ADAMTSL1: variants seen among roughly 807,000 people sequenced by gnomAD.
The protein encoded by ADAMTSL1 is ADAMTS-like protein 1.
A neutral mutation model predicts 201.8 loss-of-function variants in ADAMTSL1; 126 were observed. That is an observed-to-expected ratio of 0.62 (90% CI 0.54 to 0.72). The LOEUF is 0.72. Among genes scored for constraint, ADAMTSL1 ranks in the 30% least tolerant of loss-of-function variants. The pLI, the probability that ADAMTSL1 is intolerant of heterozygous loss-of-function variation, is 0.00. For missense variants in ADAMTSL1, 2,679 were observed against 2,277.8 expected, an observed-to-expected ratio of 1.18 and a Z score of -3.59; for synonymous variants, 1,121 against 903.4, an observed-to-expected ratio of 1.24 and a Z score of -4.32.
intron 23 of ADAMTSL1, among the ~76,000 whole-genome samples, chr9:18,861,866 C>G (rs770474404): frequency 6.6e-6 from 1 of 152,180 alleles, no homozygotes; most frequent in Non-Finnish European, 1.5e-5. Context: ...GCTCTCATCC[C>G]TACTTCAGCT....
chr9:17,919,861 T>G (rs949848229), intron 1 of ADAMTSL1, among the ~76,000 whole-genome samples: 1 of 152,106 alleles, frequency 6.6e-6, no homozygotes, highest in South Asian at 2.1e-4. Flanking sequence ...CTAGGTTAAA[T>G]AGTACACTAT....
At position 18,776,884 on chromosome 9, in the gene ADAMTSL1, C is replaced by A; in HGVS notation, c.2655C>A (p.Gly885=). 6.2e-7 allele frequency: 1 copy of A among 1,611,174 alleles called. No individual in the cohort carries two copies. The highest frequency in any genetic ancestry group is 8.5e-7 in the Non-Finnish European group (1 of 1,179,132). ...GGAAGCTGCACTTCGTGGTGGGGGG[C>A]TTCGCCTACCTGCTCCCCAAGACGG... The part of the protein sequence containing the change: ...RQRKLHFVVG[G]FAYLLPKTAV... Residue 885 remains glycine (G), a synonymous_variant, in exon 19 of 29, where the codon GGC becomes GGA. Transcript: ENST00000380548.
intron 9 of ADAMTSL1, among the ~76,000 whole-genome samples, chr9:18,667,453 C>T (rs933780226): frequency 7.2e-5 from 11 of 152,086 alleles, no homozygotes; most frequent in African/African-American, 1.2e-4. Flanking sequence ...TGGCATAAAA[C>T]GTCCTGGCTT....
chr9:18,229,375 A>G (rs1830557840), intron 2 of ADAMTSL1, among the ~76,000 whole-genome samples: 1 of 152,120 alleles, frequency 6.6e-6, no homozygotes, highest in South Asian at 2.1e-4. Context: ...TAAATACCTT[A>G]AGGACTGTGA....
At chr9:18,135,800 T>G (rs1195588791) in intron 1 of ADAMTSL1, among the ~76,000 whole-genome samples, 1 of 152,156 alleles carries the variant, frequency 6.6e-6, no homozygotes, top group Non-Finnish European at 1.5e-5. Flanking sequence ...TCTGTGGATA[T>G]GAGGTGCTGT....
intron 1 of ADAMTSL1, among the ~76,000 whole-genome samples, chr9:17,953,462 T>G (rs1827807487): frequency 6.6e-6 from 1 of 152,160 alleles, no homozygotes; most frequent in Non-Finnish European, 1.5e-5. Flanking sequence ...GAAATTTCAT[T>G]TGTGGTAATT....
At chr9:18,533,142 GAGAGGCC>G in intron 2 of ADAMTSL1, 98 bp from the exon 3 acceptor site, 1 of 776,308 alleles carries the variant, frequency 1.3e-6, no homozygotes, top group Admixed American at 2.6e-5. Context: ...TAGAAGAAAA[GAGAGGCC>G]CTTTTACTAG....
chr9:18,778,971 A>G (rs1237187291), intron 19 of ADAMTSL1, among the ~76,000 whole-genome samples: 5 of 152,196 alleles, frequency 3.3e-5, no homozygotes, highest in African/African-American at 1.2e-4. Flanking sequence ...TCTAAATGCT[A>G]TTGTTTGACT....
At chr9:18,249,407 T>C (rs1831380669) in intron 2 of ADAMTSL1, among the ~76,000 whole-genome samples, 1 of 152,170 alleles carries the variant, frequency 6.6e-6, no homozygotes, top group Non-Finnish European at 1.5e-5. Flanking sequence ...TACAAAATAC[T>C]TCAAACCTAC....
rs144970988 is a variant in ADAMTSL1, at chr9:17,959,117, A to G, written c.87+52195A>G. 7.3e-3 allele frequency among the ~76,000 whole-genome samples: 1,105 copies of G among 152,338 alleles called. 3 individuals carry two copies. Among genetic ancestry groups the G allele is most frequent in the Non-Finnish European group, 0.011 (727 of 68,036 alleles). ...AAATTCTGTATGTAGTTTGAAATGTAAAAAGGAAACTTGAAAGGATTTCTA... is the reference window on the plus strand; with the variant it reads ...AAATTCTGTATGTAGTTTGAAATGTGAAAAGGAAACTTGAAAGGATTTCTA... On this transcript the variant is annotated intron_variant, in intron 1 of 29. Coordinates refer to the ADAMTSL1 transcript ENST00000680146.
chr9:18,878,450 G>T (rs1269838618), intron 23 of ADAMTSL1, among the ~76,000 whole-genome samples: 1 of 152,236 alleles, frequency 6.6e-6, no homozygotes, highest in East Asian at 1.9e-4. Context: ...CAGGAACTGA[G>T]AGCCAACAGG....
intron 13 of ADAMTSL1, chr9:18,706,531 T>A (rs1771001224): frequency 3.9e-6 from 2 of 517,428 alleles, no homozygotes; most frequent in Non-Finnish European, 6.8e-6. Flanking sequence ...CAGCTGGGAG[T>A]TCATGTGACA....
chr9:18,354,453 C>G lies in ADAMTSL1; in HGVS notation c.208-150376C>G, dbSNP rs997399569. On this transcript the variant is annotated intron_variant, in intron 2 of 29. Coordinates refer to the ADAMTSL1 transcript ENST00000680146. ...GTGTAATTCATAAACTTTGCTGTTA[C>G]GTTGGATGTCACTTCTTTTTATTTG... Among the ~76,000 whole-genome samples, 4 of 152,194 alleles carry G rather than the reference C, an allele frequency of 2.6e-5. No homozygotes were observed. In the South Asian group the frequency reaches 6.2e-4, roughly 24 times the overall value.
chr9:18,862,043 T>G lies in ADAMTSL1; in HGVS notation c.4250-25788T>G, dbSNP rs147872952. 2.3e-3 allele frequency among the ~76,000 whole-genome samples: 345 copies of G among 152,292 alleles called. 4 individuals are homozygous for G. The highest frequency in any genetic ancestry group is 8.0e-3 in the African/African-American group (332 of 41,566). On this transcript the variant is annotated intron_variant, in intron 23 of 28. Coordinates refer to ENST00000380548, the MANE Select transcript of ADAMTSL1 (RefSeq NM_001040272.6). ...GTAGCTCCACCCCCACTGCTCACCG[T>G]GGAATTCCTAGTCAGCAGCGGCTCC...
At position 18,856,362 on chromosome 9, in the gene ADAMTSL1, A is replaced by T. The variant is rs111386551; in HGVS notation, c.4249+26385A>T. On this transcript the variant is annotated intron_variant, in intron 23 of 28. Transcript: ENST00000380548. Reference sequence around the variant, plus strand: ...AAGTATTGCTTATTCAGATGATAATAATTGGCTAACTAAACTTAATTTTAA... The same window carrying T: ...AAGTATTGCTTATTCAGATGATAATTATTGGCTAACTAAACTTAATTTTAA... 5.9e-3 allele frequency among the ~76,000 whole-genome samples: 902 copies of T among 151,778 alleles called. 10 individuals are homozygous for T. The highest frequency in any genetic ancestry group is 0.021 in the African/African-American group (866 of 41,522).
At chr9:18,504,978 G>C in intron 2 of ADAMTSL1, 22 bp downstream of exon 2, 1 of 1,590,758 alleles carries the variant, frequency 6.3e-7, no homozygotes, top group Non-Finnish European at 8.5e-7. Context: ...ACCCGTTGGG[G>C]GTCTTTGTGA....
chr9:18,669,374 G>A (rs924871701), intron 9 of ADAMTSL1, among the ~76,000 whole-genome samples: 1 of 152,178 alleles, frequency 6.6e-6, no homozygotes, highest in Admixed American at 6.5e-5. Context: ...GTAGATGTGA[G>A]GAAGTATTCA....
chr9:17,990,019 CA>C (rs1414841966), intron 1 of ADAMTSL1, among the ~76,000 whole-genome samples: 1 of 149,450 alleles, frequency 6.7e-6, no homozygotes, highest in Non-Finnish European at 1.5e-5. Context: ...TAGGGCAAAA[CA>C]AACATTGAAG....
At chr9:18,472,601 C>T (rs1272399009), upstream of ADAMTSL1, among the ~76,000 whole-genome samples, 1 of 152,190 alleles carries the variant, frequency 6.6e-6, no homozygotes, top group East Asian at 1.9e-4. Context: ...TGCTTTTCTT[C>T]ACCTTTTTGA....
Sources: allele counts gnomAD v4.1 joint callset (sites outside exome capture counted in the v4.1 genomes callset), GRCh38; gene constraint gnomAD v4.1.1; transcripts MANE v1.5; gene names NCBI Gene and HGNC (gene_info 2026-07-23, HGNC 2026-07-21).